The following PTPRD variants were observed in gnomAD, a reference collection of about 807,000 sequenced individuals.
The protein encoded by PTPRD is receptor-type tyrosine-protein phosphatase delta.
A neutral mutation model predicts 214.5 loss-of-function variants in PTPRD; 34 were observed. That is an observed-to-expected ratio of 0.16 (90% CI 0.12 to 0.21). The LOEUF is 0.21. Ranked by LOEUF, PTPRD falls within the 10% of genes least tolerant of loss-of-function variation. The pLI, the probability that PTPRD is intolerant of heterozygous loss-of-function variation, is 1.00. For synonymous variants in PTPRD, 1,128 were observed against 845.7 expected (o/e 1.33, Z -5.79); for missense variants, 2,545 against 2,398.7 (o/e 1.06, Z -1.27).
At chr9:10,164,040 G>C (rs961475209) in intron 3 of PTPRD, among the ~76,000 whole-genome samples, 2 of 151,330 alleles carry the variant, frequency 1.3e-5, no homozygotes, top group African/African-American at 4.8e-5. Flanking sequence ...TTGGCCTGAA[G>C]CACAGGATAG....
intron 2 of PTPRD, among the ~76,000 whole-genome samples, chr9:10,465,255 T>G (rs2131455140): frequency 6.6e-6 from 1 of 152,306 alleles, no homozygotes; most frequent in Non-Finnish European, 1.5e-5. Flanking sequence ...CAACAGCATA[T>G]GTACATGACA....
intron 9 of PTPRD, among the ~76,000 whole-genome samples, chr9:9,248,998 G>C (rs1314891779): frequency 6.6e-6 from 1 of 152,046 alleles, no homozygotes; most frequent in East Asian, 1.9e-4. Context: ...AAGTGATATA[G>C]TTTGGATATT....
rs569570533 is a variant in PTPRD at position 9,781,837 on chromosome 9, G to C, written c.-367-14986C>G. On this transcript the variant is annotated intron_variant, in intron 5 of 45. Transcript: ENST00000381196. ...AGACGGAGTCTCGCTCTGTCGCCCA[G>C]GCTGGAGTGCAGTGGCGCAATCTCG... is the stretch of plus-strand genomic sequence containing the variant. 2.0e-5 allele frequency among the ~76,000 whole-genome samples: 3 copies of C among 148,790 alleles called. No homozygotes were observed. The East Asian group carries it at 5.9e-4, about 29-fold the overall frequency.
At chr9:10,453,684 C>T (rs753485847) in intron 2 of PTPRD, among the ~76,000 whole-genome samples, 1 of 151,442 alleles carries the variant, frequency 6.6e-6, no homozygotes, top group African/African-American at 2.4e-5. Context: ...TTATGTCTCA[C>T]CAGTTATTTT....
chr9:9,774,405 G>T (rs1414652919), intron 5 of PTPRD, among the ~76,000 whole-genome samples: 1 of 152,196 alleles, frequency 6.6e-6, no homozygotes, highest in Non-Finnish European at 1.5e-5. Flanking sequence ...TTTTAACACA[G>T]TGGATAGGGT....
In PTPRD at chr9:8,471,099, A is replaced by C. The variant is rs2096644508; in HGVS notation, c.3414-14T>G. The C allele has an allele frequency of 6.2e-7, 1 of 1,607,400 alleles. No individual in the cohort carries two copies. Among genetic ancestry groups the C allele is most frequent in the African/African-American group, 1.3e-5 (1 of 74,734 alleles). The stretch of plus-strand genomic sequence containing the variant: ...ATGTAGTAACCTCTGCACAAGAATG[A>C]ATAGATAAAAGTTAGGTTAGTTGAA... On this transcript the variant is annotated splice_polypyrimidine_tract_variant and intron_variant, in intron 30 of 45. Coordinates refer to ENST00000381196, the MANE Select transcript of PTPRD (RefSeq NM_002839.4).
chr9:10,413,223 C>G (rs572266013), intron 2 of PTPRD, among the ~76,000 whole-genome samples: 1 of 151,950 alleles, frequency 6.6e-6, no homozygotes, highest in African/African-American at 2.4e-5. Flanking sequence ...CAGTCTCAAC[C>G]CAAAAGCTCT....
intron 14 of PTPRD, among the ~76,000 whole-genome samples, chr9:8,574,089 T>C (rs2091853375): frequency 6.6e-6 from 1 of 151,912 alleles, no homozygotes; most frequent in Non-Finnish European, 1.5e-5. Flanking sequence ...TCTCAACTCC[T>C]GTGCAAACCT....
chr9:8,538,600 T>C lies in PTPRD; in HGVS notation c.353-9821A>G, dbSNP rs1387232243. ...AACTAATAGTGTTGGTGTGAACACC[T>C]AGTTTTAAATATATATGTACACACA... On this transcript the variant is annotated intron_variant, in intron 14 of 45. Coordinates refer to ENST00000381196, the MANE Select transcript of PTPRD (RefSeq NM_002839.4). Among the ~76,000 whole-genome samples the C allele has an allele frequency of 8.6e-5, 13 of 151,620 alleles. No homozygotes were observed. In the South Asian group the frequency reaches 2.5e-3, roughly 29 times the overall value.
At chr9:9,933,786 C>A (rs1405124674) in intron 5 of PTPRD, among the ~76,000 whole-genome samples, 1 of 149,304 alleles carries the variant, frequency 6.7e-6, no homozygotes, top group African/African-American at 2.6e-5. Flanking sequence ...TTTTTTTCAG[C>A]ACCACACCAC....
chr9:8,766,907 G>C (rs1171579435), intron 11 of PTPRD, among the ~76,000 whole-genome samples: 1 of 152,110 alleles, frequency 6.6e-6, no homozygotes, highest in Non-Finnish European at 1.5e-5. Context: ...GGTGAAATTG[G>C]CTTCATAGGT....
intron 4 of PTPRD, among the ~76,000 whole-genome samples, chr9:9,988,828 A>G (rs990971067): frequency 1.3e-5 from 2 of 151,874 alleles, no homozygotes; most frequent in Non-Finnish European, 2.9e-5. Context: ...TTATGGCCAC[A>G]CATTATATAA....
intron 44 of PTPRD, among the ~76,000 whole-genome samples, chr9:8,325,014 T>G (rs910790957): frequency 2.0e-5 from 3 of 151,914 alleles, no homozygotes; most frequent in Admixed American, 2.0e-4. Flanking sequence ...GTCAGATGGA[T>G]AGATAGCAAA....
chr9:9,703,122 C>T (rs1382519953), intron 7 of PTPRD, among the ~76,000 whole-genome samples: 1 of 152,082 alleles, frequency 6.6e-6, no homozygotes, highest in Non-Finnish European at 1.5e-5. Flanking sequence ...GCTGTTCTCG[C>T]GATGGTGACT....
chr9:8,407,792 C>T (rs1267703545), intron 35 of PTPRD, among the ~76,000 whole-genome samples: 1 of 152,160 alleles, frequency 6.6e-6, no homozygotes, highest in African/African-American at 2.4e-5. Context: ...GCTGACTTGT[C>T]TTTGTGCAAC....
chr9:8,421,240 C>T (rs1172437798), intron 35 of PTPRD, among the ~76,000 whole-genome samples: 2 of 152,116 alleles, frequency 1.3e-5, no homozygotes, highest in Non-Finnish European at 2.9e-5. Context: ...GCAGGAGATG[C>T]AGAGAAAACC....
chr9:9,729,868 A>G (rs892343258), intron 7 of PTPRD, among the ~76,000 whole-genome samples: 15 of 152,258 alleles, frequency 9.9e-5, no homozygotes, highest in African/African-American at 3.6e-4. Flanking sequence ...TTACATCAGG[A>G]TAGCATACTA....
intron 11 of PTPRD, among the ~76,000 whole-genome samples, chr9:8,989,532 A>C (rs2099358270): frequency 6.6e-6 from 1 of 152,080 alleles, no homozygotes; most frequent in African/African-American, 2.4e-5. Flanking sequence ...GGAAATGACA[A>C]GATTTAATTC....
At chr9:10,197,976 A>T (rs2099404534) in intron 3 of PTPRD, among the ~76,000 whole-genome samples, 1 of 152,078 alleles carries the variant, frequency 6.6e-6, no homozygotes. Context: ...CTACTTGAAA[A>T]TTTTTTTAAA....
Sources: gnomAD v4.1 joint callset for allele counts (sites outside exome capture counted in the v4.1 genomes callset) on GRCh38, gnomAD v4.1.1 for gene constraint, MANE v1.5 for transcripts, NCBI Gene and HGNC (gene_info 2026-07-23, HGNC 2026-07-21) for gene names.